The following HRH1 variants were observed in gnomAD, a reference collection of about 807,000 sequenced individuals.
HRH1 encodes the protein histamine H1 receptor.
A neutral mutation model predicts 10.3 loss-of-function variants in HRH1; 6 were observed. The observed-to-expected ratio is 0.58, with a 90% confidence interval of 0.32 to 1.15. HRH1 has a LOEUF of 1.15. HRH1 is among the 50% of genes most tolerant of loss of function. The pLI is 0.05. For missense variants in HRH1, 514 were observed against 615.3 expected (o/e 0.84, Z 1.74); for synonymous variants, 242 against 236.7 (o/e 1.02, Z -0.21).
chr3:11,242,531 G>A (rs138134845), intron 1 of HRH1, among the ~76,000 whole-genome samples: 1,965 of 144,414 alleles, frequency 0.014, 28 homozygotes, highest in Middle Eastern at 0.046. Context: ...CACTGCAAAG[G>A]TCTGCGTCGC....
intron 1 of HRH1, among the ~76,000 whole-genome samples, chr3:11,145,762 G>A (rs1362888121): frequency 9.3e-5 from 1 of 10,754 alleles, no homozygotes; most frequent in Non-Finnish European, 1.3e-4. Flanking sequence ...CTCCTCCAGA[G>A]GTACCACTTC....
In HRH1 at chr3:11,262,376, A is replaced by T. The variant is rs1339749269; in HGVS notation, c.*1875A>T. 1.2e-5 allele frequency: 2 copies of T among 167,126 alleles called. No homozygotes were observed. Among genetic ancestry groups the T allele is most frequent in the African/African-American group, 4.8e-5 (2 of 41,472 alleles). The allele number at this position is 167,126 out of a possible 1,614,324, so 10.4% of individuals were successfully genotyped here. The stretch of plus-strand genomic sequence containing the variant: ...TTGAAATGTACCATCAAATGTTAAC[A>T]GAGTTTGATATGGGCTTTCTCTTTG... On this transcript the variant is annotated 3_prime_UTR_variant, in exon 2 of 2. Coordinates refer to ENST00000431010, the MANE Select transcript of HRH1 (RefSeq NM_001098212.2).
chr3:11,200,084 ATCCT>A (rs1289884539), intron 1 of HRH1, among the ~76,000 whole-genome samples: 1 of 152,146 alleles, frequency 6.6e-6, no homozygotes, highest in Non-Finnish European at 1.5e-5. Context: ...AGAGAGAAAG[ATCCT>A]TGGATATTGT....
At chr3:11,145,879 T>A (rs1936431181) in intron 1 of HRH1, among the ~76,000 whole-genome samples, 1 of 152,230 alleles carries the variant, frequency 6.6e-6, no homozygotes, top group Non-Finnish European at 1.5e-5. Flanking sequence ...GACTTTTACT[T>A]TCTTTCATGT....
At chr3:11,249,303 T>C (rs1939574374) in intron 1 of HRH1, among the ~76,000 whole-genome samples, 1 of 148,364 alleles carries the variant, frequency 6.7e-6, no homozygotes, top group Non-Finnish European at 1.5e-5. Flanking sequence ...CTCGGGAGGC[T>C]GAAGCAGGAG....
intron 1 of HRH1, among the ~76,000 whole-genome samples, chr3:11,177,850 A>G (rs1259579146): frequency 6.6e-6 from 1 of 152,168 alleles, no homozygotes; most frequent in Non-Finnish European, 1.5e-5. Flanking sequence ...GGATTCACCA[A>G]TTGTTGATGG....
chr3:11,246,278 G>A (rs1371756942), intron 1 of HRH1, among the ~76,000 whole-genome samples: 1 of 152,194 alleles, frequency 6.6e-6, no homozygotes, highest in Non-Finnish European at 1.5e-5. Flanking sequence ...TTGCAGACAA[G>A]CCCTCATCTC....
chr3:11,220,366 G>A (rs1283498895), intron 1 of HRH1, among the ~76,000 whole-genome samples: 1 of 152,190 alleles, frequency 6.6e-6, no homozygotes, highest in Non-Finnish European at 1.5e-5. Flanking sequence ...TCACTGTCCT[G>A]AGAATCCCTG....
chr3:11,147,596 C>T (rs1236417623), intron 1 of HRH1, among the ~76,000 whole-genome samples: 1 of 152,114 alleles, frequency 6.6e-6, no homozygotes, highest in African/African-American at 2.4e-5. Context: ...ACTGTGATCC[C>T]ATTCCAGTAG....
chr3:11,177,404 A>G (rs1937268749), intron 1 of HRH1, among the ~76,000 whole-genome samples: 1 of 152,126 alleles, frequency 6.6e-6, no homozygotes, highest in South Asian at 2.1e-4. Flanking sequence ...CAACCAAGTA[A>G]CCTTTGAAAT....
intron 1 of HRH1, chr3:11,234,578 CGTT>C: frequency 7.0e-7 from 1 of 1,437,324 alleles, no homozygotes; most frequent in Admixed American, 1.7e-5. Flanking sequence ...TCGTATGGAT[CGTT>C]GGGGTCATCA....
At chr3:11,187,183 A>AAAGATATCTTTTTCT (rs1937463269) in intron 1 of HRH1, among the ~76,000 whole-genome samples, 1 of 151,996 alleles carries the variant, frequency 6.6e-6, no homozygotes, top group South Asian at 2.1e-4. Flanking sequence ...CCTACTTTCC[A>AAAGATATCTTTTTCT]CTACTGACAA....
At chr3:11,162,154 G>A (rs1936939103) in intron 1 of HRH1, among the ~76,000 whole-genome samples, 1 of 152,118 alleles carries the variant, frequency 6.6e-6, no homozygotes, top group Non-Finnish European at 1.5e-5. Context: ...CAGGCACGCT[G>A]GCTCCCAAAA....
intron 1 of HRH1, among the ~76,000 whole-genome samples, chr3:11,254,726 G>A (rs1326731961): frequency 6.6e-6 from 1 of 152,192 alleles, no homozygotes; most frequent in Admixed American, 6.5e-5. Flanking sequence ...CCCCAAGTTT[G>A]TTAGAAACAA....
At chr3:11,254,957 C>T (rs1038270816) in intron 1 of HRH1, among the ~76,000 whole-genome samples, 1 of 152,108 alleles carries the variant, frequency 6.6e-6, no homozygotes, top group Admixed American at 6.6e-5. Context: ...ATTCGATTGG[C>T]TAAGATTTAA....
rs36051207 is a variant in HRH1 at position 11,217,214 on chromosome 3, C to CA, written c.-35-41776dup. 5.1e-3 allele frequency among the ~76,000 whole-genome samples: 698 copies of CA among 137,154 alleles called. 2 individuals are homozygous for CA. Among genetic ancestry groups the CA allele is most frequent in the African/African-American group, 0.012 (423 of 36,286 alleles). The allele number at this position is 137,154 out of a possible 152,430, so 90.0% of individuals were successfully genotyped here. ...AAACAAACACACAAACAAACAAAACCAAAAAAAAAAAAACAGAAAGAAAAA... is the reference window on the plus strand; with the variant it reads ...AAACAAACACACAAACAAACAAAACCAAAAAAAAAAAAAACAGAAAGAAAAA... On this transcript the variant is annotated intron_variant, in intron 1 of 1. Transcript: ENST00000431010.
chr3:11,196,762 T>A (rs1937665819), intron 1 of HRH1, among the ~76,000 whole-genome samples: 2 of 152,028 alleles, frequency 1.3e-5, no homozygotes, highest in African/African-American at 4.8e-5. Flanking sequence ...GCTGTTCAGC[T>A]AAAGTGTGAT....
At chr3:11,225,865 A>T (rs1230879987) in intron 1 of HRH1, among the ~76,000 whole-genome samples, 1 of 152,178 alleles carries the variant, frequency 6.6e-6, no homozygotes, top group Non-Finnish European at 1.5e-5. Context: ...CCAGCTTTAT[A>T]AGGGTTGTAA....
intron 1 of HRH1, among the ~76,000 whole-genome samples, chr3:11,208,090 GC>G (rs1256082149): frequency 6.6e-6 from 1 of 151,718 alleles, no homozygotes; most frequent in Non-Finnish European, 1.5e-5. Flanking sequence ...TCTCTTTCCT[GC>G]CTGTTCTATT....
Sources: gnomAD v4.1 joint callset for allele counts (sites outside exome capture counted in the v4.1 genomes callset) on GRCh38, gnomAD v4.1.1 for gene constraint, MANE v1.5 for transcripts, NCBI Gene and HGNC (gene_info 2026-07-23, HGNC 2026-07-21) for gene names.